Variants in NWD2 observed in about 807,000 individuals in gnomAD.
The protein encoded by NWD2 is NACHT and WD repeat domain containing 2.
NWD2 carries 37 observed loss-of-function variants against 132.7 expected under a neutral mutation model. That is an observed-to-expected ratio of 0.28 (90% CI 0.21 to 0.37). NWD2 has a LOEUF of 0.37. NWD2 is among the 10% of genes least tolerant of loss of function. The probability of loss-of-function intolerance (pLI) is 1.00; values close to 1 mark genes in which losing one functional copy is unlikely to be tolerated. For synonymous variants in NWD2, 705 were observed against 803.0 expected (o/e 0.88, Z 2.06); for missense variants, 1,592 against 2,122.4 (o/e 0.75, Z 4.91).
At chr4:37,278,556 G>A (rs1414635377) in intron 1 of NWD2, among the ~76,000 whole-genome samples, 2 of 152,282 alleles carry the variant, frequency 1.3e-5, no homozygotes, top group African/African-American at 4.8e-5. Context: ...CAAATGTGAG[G>A]AGATATGTAG....
chr4:37,275,608 C>T (rs1717994132), intron 1 of NWD2, among the ~76,000 whole-genome samples: 1 of 152,034 alleles, frequency 6.6e-6, no homozygotes, highest in Non-Finnish European at 1.5e-5. Flanking sequence ...AAAAAGAGCC[C>T]ACATCGCCAA....
intron 1 of NWD2, among the ~76,000 whole-genome samples, chr4:37,299,553 T>C (rs554719538): frequency 6.6e-6 from 1 of 152,268 alleles, no homozygotes; most frequent in South Asian, 2.1e-4. Context: ...TCTACAGGTA[T>C]CTCAGTTTTG....
intron 2 of NWD2, 50 bp from the exon 3 acceptor site, chr4:37,356,315 TA>T: frequency 1.0e-6 from 1 of 994,032 alleles, no homozygotes; most frequent in Non-Finnish European, 1.4e-6. Context: ...ACATTGTAAA[TA>T]AAAACAAAGC....
chr4:37,397,608 G>A (rs996778745), intron 3 of NWD2, among the ~76,000 whole-genome samples: 13 of 152,114 alleles, frequency 8.5e-5, no homozygotes, highest in African/African-American at 1.9e-4. Context: ...AAAGTAGCTC[G>A]TTCTGGAGTG....
intron 1 of NWD2, among the ~76,000 whole-genome samples, chr4:37,316,504 T>G (rs1207712434): frequency 6.6e-6 from 1 of 152,166 alleles, no homozygotes; most frequent in East Asian, 1.9e-4. Flanking sequence ...TCTTTGGATG[T>G]GTAGATTTAT....
In NWD2 at chr4:37,444,023, G is replaced by A; in HGVS notation, c.2035G>A (p.Asp679Asn). The A allele has an allele frequency of 6.4e-7, 1 of 1,552,094 alleles. No individual in the cohort carries two copies. ...KMGLSEMELEDVLALDNSVMS... is the reference protein window; with the variant it reads ...KMGLSEMELENVLALDNSVMS... ...GGGTCTGAGTGAAATGGAACTGGAG[G>A]ATGTGTTAGCCCTAGACAACAGTGT... The change falls in exon 7 of 7, where the codon GAT becomes AAT. Residue 679 changes from aspartate to asparagine, a missense_variant. By Grantham distance (23) the Asp-to-Asn change is conservative. Coordinates refer to ENST00000309447, the MANE Select transcript of NWD2 (RefSeq NM_001144990.2). The surrounding 1 kb of genome is among the most constrained non-coding windows in gnomAD (Gnocchi z 4.8).
At chr4:37,369,809 C>T (rs1423339319) in intron 3 of NWD2, among the ~76,000 whole-genome samples, 2 of 152,176 alleles carry the variant, frequency 1.3e-5, no homozygotes, top group African/African-American at 2.4e-5. Flanking sequence ...ATATTCTCTT[C>T]CCTGCTTGGA....
chr4:37,380,627 C>G (rs549595148), intron 3 of NWD2, among the ~76,000 whole-genome samples: 2 of 151,590 alleles, frequency 1.3e-5, no homozygotes, highest in Non-Finnish European at 2.9e-5. Flanking sequence ...GAATCACAAG[C>G]CAAAAAAAAA....
chr4:37,445,540 T>C lies in NWD2; in HGVS notation c.3552T>C (p.Asp1184=), dbSNP rs1192654774. The change falls in exon 7 of 7, where the codon GAT becomes GAC. Residue 1184 remains aspartate, a synonymous_variant. Coordinates refer to ENST00000309447, the MANE Select transcript of NWD2 (RefSeq NM_001144990.2). This position sits in a 1 kb window ranked among gnomAD's most constrained non-coding sequence, Gnocchi z 4.7. ...GCCCCCAGCTGACTGATGACTTTGA[T>C]TGCCGAAGAGAAGACAGTGAGGTGG... ...ISSPQLTDDF[D]CRREDSEVVS... 3 of 1,552,104 alleles carry C rather than the reference T, an allele frequency of 1.9e-6. No individual in the cohort carries two copies. The highest frequency in any genetic ancestry group is 2.4e-5 in the East Asian group (1 of 40,916).
At chr4:37,413,340 C>T (rs1721200653) in intron 3 of NWD2, among the ~76,000 whole-genome samples, 1 of 152,168 alleles carries the variant, frequency 6.6e-6, no homozygotes, top group African/African-American at 2.4e-5. Context: ...CAAAAGAAGA[C>T]ATTTATGCAG....
chr4:37,399,448 T>G (rs1480238679), intron 3 of NWD2, among the ~76,000 whole-genome samples: 1 of 152,262 alleles, frequency 6.6e-6, no homozygotes, highest in Non-Finnish European at 1.5e-5. Context: ...CTTATTTTAT[T>G]AGCTACATAT....
chr4:37,371,079 T>TTC (rs1720218527), intron 3 of NWD2, among the ~76,000 whole-genome samples: 1 of 33,644 alleles, frequency 3.0e-5, no homozygotes, highest in Non-Finnish European at 5.1e-5. Flanking sequence ...TTTCTTTTTC[T>TTC]TTTTTTTTTT....
chr4:37,327,753 A>T (rs1358832578), intron 2 of NWD2, among the ~76,000 whole-genome samples: 1 of 152,132 alleles, frequency 6.6e-6, no homozygotes, highest in South Asian at 2.1e-4. Context: ...TCACTCCCTA[A>T]GGATATATTT....
intron 3 of NWD2, among the ~76,000 whole-genome samples, chr4:37,365,376 T>G (rs1315869158): frequency 6.6e-6 from 1 of 152,186 alleles, no homozygotes; most frequent in Non-Finnish European, 1.5e-5. Context: ...ATAAGTACAG[T>G]TCTACCAACC....
intron 5 of NWD2, among the ~76,000 whole-genome samples, chr4:37,434,636 C>G (rs926039274): frequency 6.6e-6 from 1 of 151,870 alleles, no homozygotes; most frequent in African/African-American, 2.4e-5. Flanking sequence ...ACCTGAATTA[C>G]GGAAGAAAAT....
intron 2 of NWD2, among the ~76,000 whole-genome samples, chr4:37,330,462 A>T (rs965716358): frequency 2.0e-5 from 3 of 152,200 alleles, no homozygotes; most frequent in African/African-American, 7.2e-5. Flanking sequence ...CTGGGGAGAA[A>T]GCCGGTGGTG....
rs377538093 is a variant in NWD2 at position 37,286,884 on chromosome 4, G to A, written c.152-39052G>A. Among the ~76,000 whole-genome samples the A allele has an allele frequency of 4.7e-4, 72 of 152,204 alleles. No individual in the cohort carries two copies. In the South Asian group the frequency reaches 0.01, roughly 22 times the overall value. ...AAATCATGGGGTGCGGGGCCAAGAT[G>A]GTCGACTAGAAACAGTGGCAATCAG... On this transcript the variant is annotated intron_variant, in intron 1 of 6. Transcript: ENST00000309447.
intron 2 of NWD2, among the ~76,000 whole-genome samples, chr4:37,353,872 C>G (rs1256976519): frequency 6.6e-6 from 1 of 152,058 alleles, no homozygotes. Context: ...ATTCTCCGCC[C>G]AGTTTTGTTC....
chr4:37,437,369 G>A (rs1361126267), intron 5 of NWD2, among the ~76,000 whole-genome samples: 2 of 152,096 alleles, frequency 1.3e-5, no homozygotes, highest in Admixed American at 6.6e-5. Flanking sequence ...ATATGAACAC[G>A]ACTTTCATTC....
Sources: allele counts gnomAD v4.1 joint callset (sites outside exome capture counted in the v4.1 genomes callset), GRCh38; gene constraint gnomAD v4.1.1; non-coding constraint Gnocchi (gnomAD v3.1); transcripts MANE v1.5; gene names NCBI Gene and HGNC (gene_info 2026-07-23, HGNC 2026-07-21).